CNTNAP2: variants seen among roughly 807,000 people sequenced by gnomAD.
CNTNAP2 encodes contactin-associated protein-like 2.
A neutral mutation model predicts 155.2 loss-of-function variants in CNTNAP2; 98 were observed. The ratio of observed to expected loss-of-function variants is 0.63; its 90% CI spans 0.54 to 0.75. CNTNAP2 has a LOEUF of 0.75. Among genes scored for constraint, CNTNAP2 ranks in the 30% least tolerant of loss-of-function variants. CNTNAP2 has a pLI of 0.00. For synonymous variants in CNTNAP2, 651 were observed against 631.2 expected (o/e 1.03, Z -0.47); for missense variants, 1,727 against 1,688.1 (o/e 1.02, Z -0.40).
intron 3 of CNTNAP2, among the ~76,000 whole-genome samples, chr7:146,895,505 TTA>T (rs1358667482): frequency 6.6e-6 from 1 of 152,118 alleles, no homozygotes; most frequent in Non-Finnish European, 1.5e-5. Flanking sequence ...CATAATCAAA[TTA>T]TGTGTATCTG....
intron 1 of CNTNAP2, among the ~76,000 whole-genome samples, chr7:146,657,500 C>T (rs1800014959): frequency 6.6e-6 from 1 of 152,116 alleles, no homozygotes; most frequent in African/African-American, 2.4e-5. Context: ...CTGAGTTGCT[C>T]TCTTATTTCT....
rs1409850982 is a variant in CNTNAP2, at chr7:147,107,832, T to C, written c.551-315T>C. Among the ~76,000 whole-genome samples the C allele has an allele frequency of 2.6e-5, 4 of 152,096 alleles. No homozygotes were observed. The East Asian group carries it at 7.7e-4, about 29-fold the overall frequency. ...TGTTTGAGATTTAAAAATTTTACGA[T>C]TTTGGTCTAAACTCTAGATTTCTAA... On this transcript the variant is annotated intron_variant, in intron 4 of 23. Coordinates refer to ENST00000361727, the MANE Select transcript of CNTNAP2 (RefSeq NM_014141.6).
At chr7:147,702,441 G>GTGTAA (rs1254530816) in intron 13 of CNTNAP2, among the ~76,000 whole-genome samples, 1 of 151,890 alleles carries the variant, frequency 6.6e-6, no homozygotes, top group Admixed American at 6.6e-5. Context: ...AAATCTTGAT[G>GTGTAA]TGTAATGTAA....
At chr7:146,731,937 A>G (rs1028972711) in intron 1 of CNTNAP2, among the ~76,000 whole-genome samples, 2 of 151,400 alleles carry the variant, frequency 1.3e-5, no homozygotes, top group Non-Finnish European at 2.9e-5. Context: ...TTTTTTGTCT[A>G]TATATATATA....
chr7:146,484,347 T>C (rs755915833), intron 1 of CNTNAP2, among the ~76,000 whole-genome samples: 2 of 152,198 alleles, frequency 1.3e-5, no homozygotes, highest in Non-Finnish European at 2.9e-5. Flanking sequence ...GGACATAAAA[T>C]TGTTATTGCC....
intron 21 of CNTNAP2, among the ~76,000 whole-genome samples, chr7:148,353,368 T>G (rs969641396): frequency 1.3e-5 from 2 of 152,206 alleles, no homozygotes; most frequent in Admixed American, 6.5e-5. Context: ...GAATGATTCA[T>G]TCCCCCCAAA....
chr7:148,326,347 T>C (rs1463628707), intron 21 of CNTNAP2, among the ~76,000 whole-genome samples: 1 of 152,126 alleles, frequency 6.6e-6, no homozygotes, highest in Non-Finnish European at 1.5e-5. Flanking sequence ...TGTTTTTTCA[T>C]TGTGTATGGT....
At chr7:147,105,994 C>A (rs557479612) in intron 4 of CNTNAP2, among the ~76,000 whole-genome samples, 2 of 151,950 alleles carry the variant, frequency 1.3e-5, no homozygotes, top group African/African-American at 4.8e-5. Context: ...AAAAGTAAGA[C>A]AGGAATGCAT....
rs377313740 is a variant in CNTNAP2, at chr7:146,362,551, G to C, written c.97+245578G>C. Reference sequence around the variant, plus strand: ...AGGCAAGAAATATGTTTTCATATCTGAGGAACTTCAAAAATACCCATGTGA... The same window carrying C: ...AGGCAAGAAATATGTTTTCATATCTCAGGAACTTCAAAAATACCCATGTGA... On this transcript the variant is annotated intron_variant, in intron 1 of 23. Coordinates refer to ENST00000361727, the MANE Select transcript of CNTNAP2 (RefSeq NM_014141.6). Among the ~76,000 whole-genome samples, 42 of 152,244 alleles carry C rather than the reference G, an allele frequency of 2.8e-4. No homozygotes were observed. The South Asian group carries it at 5.2e-3, about 19-fold the overall frequency.
intron 1 of CNTNAP2, among the ~76,000 whole-genome samples, chr7:146,751,703 C>T (rs1481042510): frequency 6.6e-6 from 1 of 152,008 alleles, no homozygotes; most frequent in East Asian, 1.9e-4. Flanking sequence ...TGGTTTGCTG[C>T]ACCCATCAAT....
intron 1 of CNTNAP2, among the ~76,000 whole-genome samples, chr7:146,420,682 T>C (rs557392320): frequency 6.6e-6 from 1 of 152,086 alleles, no homozygotes; most frequent in African/African-American, 2.4e-5. Flanking sequence ...ATGTTTGTAT[T>C]GATAGAGAGA....
chr7:147,512,681 A>T (rs1024289747), intron 11 of CNTNAP2, among the ~76,000 whole-genome samples: 35 of 152,206 alleles, frequency 2.3e-4, no homozygotes, highest in African/African-American at 2.4e-5. Flanking sequence ...AGATCTGTCT[A>T]TCATATCACC....
At chr7:146,817,296 A>T (rs1233102452) in intron 2 of CNTNAP2, among the ~76,000 whole-genome samples, 2 of 151,738 alleles carry the variant, frequency 1.3e-5, no homozygotes, top group East Asian at 3.9e-4. Context: ...ACATGGAGAA[A>T]CCCTGCTTCT....
intron 9 of CNTNAP2, among the ~76,000 whole-genome samples, chr7:147,308,506 A>C (rs1415045602): frequency 6.6e-6 from 1 of 152,186 alleles, no homozygotes; most frequent in Non-Finnish European, 1.5e-5. Context: ...ACTTGCAGAC[A>C]GGTGAGATAT....
At chr7:146,161,346 G>A (rs1798219086) in intron 1 of CNTNAP2, among the ~76,000 whole-genome samples, 1 of 152,130 alleles carries the variant, frequency 6.6e-6, no homozygotes, top group African/African-American at 2.4e-5. Flanking sequence ...GGAAGTTCTG[G>A]CCAGGGCAAT....
intron 1 of CNTNAP2, among the ~76,000 whole-genome samples, chr7:146,275,893 A>G (rs774654864): frequency 2.0e-5 from 3 of 152,138 alleles, no homozygotes; most frequent in African/African-American, 7.2e-5. Flanking sequence ...TTCCTAGCAA[A>G]ATTTGGCAAT....
chr7:147,182,033 G>A (rs1802467293), intron 8 of CNTNAP2, among the ~76,000 whole-genome samples: 1 of 149,400 alleles, frequency 6.7e-6, no homozygotes, highest in Admixed American at 6.8e-5. Context: ...GCTGAGGCAG[G>A]AGAATTGCTT....
chr7:148,383,828 C>G lies in CNTNAP2; in HGVS notation c.3655C>G (p.Leu1219Val). The G allele has an allele frequency of 1.2e-6, 2 of 1,614,138 alleles. No homozygotes were observed. The highest frequency in any genetic ancestry group is 1.7e-6 in the Non-Finnish European group (2 of 1,180,034). The change falls in exon 22 of 24, where the codon CTG (leucine) becomes GTG (valine). Residue 1219 changes from leucine (L) to valine (V), a missense_variant. By Grantham distance (32) the Leu-to-Val change is conservative (BLOSUM62 1). Coordinates refer to ENST00000361727, the MANE Select transcript of CNTNAP2 (RefSeq NM_014141.6). ...GGAGTCCAACTGCGGGGCCTCGCCG[C>G]TGACCCTCTCCCCCATGTCGTCCGC... ...LVESNCGASP[L>V]TLSPMSSATD...
At chr7:146,122,520 A>G (rs1797578505) in intron 1 of CNTNAP2, among the ~76,000 whole-genome samples, 1 of 152,224 alleles carries the variant, frequency 6.6e-6, no homozygotes, top group Non-Finnish European at 1.5e-5. Context: ...CAAAAATAAG[A>G]TTGATATTAA....
Sources: gnomAD v4.1 joint callset for allele counts (sites outside exome capture counted in the v4.1 genomes callset) on GRCh38, gnomAD v4.1.1 for gene constraint, MANE v1.5 for transcripts, NCBI Gene and HGNC (gene_info 2026-07-23, HGNC 2026-07-21) for gene names.